Variants in SBK1 observed in about 807,000 individuals in gnomAD.
SBK1 encodes the protein serine/threonine-protein kinase SBK1.
In SBK1, 11 loss-of-function variants were observed where a neutral mutation model predicts 24.4. That is an observed-to-expected ratio of 0.45 (90% CI 0.28 to 0.75). SBK1 has a LOEUF of 0.75. Among genes scored for constraint, SBK1 ranks in the 30% least tolerant of loss-of-function variants. SBK1 has a pLI of 0.12. For synonymous variants in SBK1, 308 were observed against 284.4 expected, an observed-to-expected ratio of 1.08 and a Z score of -0.83; for missense variants, 467 against 620.5, an observed-to-expected ratio of 0.75 and a Z score of 2.63.
chr16:28,303,507 C>CTTTTTTTTTTTTTTTTTTT (rs143613970), intron 1 of SBK1, among the ~76,000 whole-genome samples: 27 of 58,108 alleles, frequency 4.6e-4, no homozygotes, highest in Non-Finnish European at 6.0e-4. Context: ...CTTTTCTTTT[C>CTTTTTTTTTTTTTTTTTTT]TTTTTTTTTT....
chr16:28,300,998 C>G (rs915813054), intron 1 of SBK1, among the ~76,000 whole-genome samples: 1 of 151,684 alleles, frequency 6.6e-6, no homozygotes. Context: ...GGGCCCATCT[C>G]TTCTGGGGCC....
At position 28,317,249 on chromosome 16, in the gene SBK1, C is replaced by T; in HGVS notation, c.-7-136C>T. 1 of 653,910 alleles carries T rather than the reference C, an allele frequency of 1.5e-6. No individual in the cohort carries two copies. The highest frequency in any genetic ancestry group is 2.6e-6 in the Non-Finnish European group (1 of 378,998). 40.5% of individuals were successfully genotyped at this position (653,910 alleles called of 1,614,324 possible). ...AAGGCGACGCGACCAAGATGCTTGT[C>T]GCCCCCTTGTGGTTATCTTGGGCCT... On this transcript the variant is annotated intron_variant, in intron 1 of 3. Transcript: ENST00000341901. The surrounding 1 kb of genome is among the most constrained non-coding windows in gnomAD (Gnocchi z 4.2).
At chr16:28,310,316 C>T (rs958795206) in intron 1 of SBK1, among the ~76,000 whole-genome samples, 7 of 152,222 alleles carry the variant, frequency 4.6e-5, no homozygotes, top group African/African-American at 1.7e-4. Context: ...TCACAGCCAT[C>T]ACATCCACAG....
At chr16:28,272,844 A>T (rs1211436438) in intron 1 of SBK1, among the ~76,000 whole-genome samples, 2 of 149,660 alleles carry the variant, frequency 1.3e-5, no homozygotes, top group Admixed American at 6.6e-5. Flanking sequence ...CTGGTCTCGA[A>T]CTCCTGACCT....
chr16:28,315,932 A>G (rs575346547), intron 1 of SBK1, among the ~76,000 whole-genome samples: 2 of 152,072 alleles, frequency 1.3e-5, no homozygotes, highest in South Asian at 4.2e-4. Context: ...TGCCCAACTA[A>G]TTTTTGTATT....
At chr16:28,287,856 G>T (rs1219465774), upstream of SBK1, among the ~76,000 whole-genome samples, 5 of 152,270 alleles carry the variant, frequency 3.3e-5, no homozygotes, top group South Asian at 8.3e-4. Flanking sequence ...TAGAGATGGG[G>T]TTTCGCCATG....
intron 1 of SBK1, among the ~76,000 whole-genome samples, chr16:28,314,808 ATC>A (rs1199631068): frequency 2.0e-5 from 3 of 152,156 alleles, no homozygotes; most frequent in Non-Finnish European, 4.4e-5. Context: ...GTGAAACCCC[ATC>A]TCTACTAAAC....
Position 28,293,305 on chromosome 16 carries a change from G to A in SBK1, c.-8+5G>A. 1.0e-6 allele frequency: 1 copy of A among 985,066 alleles called. No homozygotes were observed. Among genetic ancestry groups the A allele is most frequent in the Non-Finnish European group, 1.2e-6 (1 of 829,560 alleles). 61.0% of individuals were successfully genotyped at this position (985,066 alleles called of 1,614,324 possible). A position where few individuals can be genotyped will look rare whatever the true frequency, so the allele number is the denominator to read the frequency against. On this transcript the variant is annotated splice_donor_5th_base_variant and intron_variant, in intron 1 of 3. Transcript: ENST00000341901. ...GTCCCCGCGGCCCCAGCCCAGGTAA[G>A]CCGGGCCCAGGTGAGGGGCGGCAGG...
chr16:28,300,466 C>T (rs1015124810), intron 1 of SBK1, among the ~76,000 whole-genome samples: 1 of 151,712 alleles, frequency 6.6e-6, no homozygotes, highest in Admixed American at 6.6e-5. Context: ...ACCACAGGCG[C>T]ATGCCACCAT....
At chr16:28,266,786 G>A (rs1428441468) in intron 1 of SBK1, among the ~76,000 whole-genome samples, 2 of 148,966 alleles carry the variant, frequency 1.3e-5, no homozygotes, top group South Asian at 2.1e-4. Flanking sequence ...CTGTAGCCCA[G>A]GCAGAAGTGC....
chr16:28,313,971 C>G (rs905212797), intron 1 of SBK1, among the ~76,000 whole-genome samples: 11 of 140,084 alleles, frequency 7.9e-5, no homozygotes, highest in African/African-American at 2.8e-4. Context: ...GCCCGCCCAC[C>G]CTTGCTCAGC....
intron 1 of SBK1, among the ~76,000 whole-genome samples, chr16:28,268,634 G>A (rs1443692210): frequency 1.3e-5 from 2 of 151,984 alleles, no homozygotes; most frequent in African/African-American, 2.4e-5. Flanking sequence ...ATGGTGGCAC[G>A]TGCCTGTAGT....
intron 1 of SBK1, among the ~76,000 whole-genome samples, chr16:28,304,090 C>A (rs1346671484): frequency 6.6e-6 from 1 of 152,198 alleles, no homozygotes; most frequent in Non-Finnish European, 1.5e-5. Flanking sequence ...CTCACCTGCA[C>A]ATGGCAAAAT....
In SBK1 at chr16:28,259,553, C is replaced by T. The variant is rs1011796346; in HGVS notation, c.257+51C>T. 54 of 598,492 alleles carry T rather than the reference C, an allele frequency of 9.0e-5. No individual in the cohort carries two copies. The highest frequency in any genetic ancestry group is 1.4e-4 in the African/African-American group (7 of 49,708). 37.1% of individuals were successfully genotyped at this position (598,492 alleles called of 1,614,324 possible). A position where few individuals can be genotyped will look rare whatever the true frequency, so the allele number is the denominator to read the frequency against. Reference sequence around the variant, plus strand: ...GTGGGCAGCAGGTGGGCACAGCGCTCGACCCAGGGTGCCTGTGGGCCTGGC... The same window carrying T: ...GTGGGCAGCAGGTGGGCACAGCGCTTGACCCAGGGTGCCTGTGGGCCTGGC... On this transcript the variant is annotated intron_variant, in intron 1 of 3. Coordinates refer to the SBK1 transcript ENST00000671413. This position sits in a 1 kb window ranked among gnomAD's most constrained non-coding sequence, Gnocchi z 6.0.
At position 28,317,921 on chromosome 16, in the gene SBK1, G is replaced by A. The variant is rs1192617092; in HGVS notation, c.226+304G>A. ...GGCTGTGCCAGGAGTGTCTGGGGAG[G>A]GCAGGGCTGCCGGCTGTGTCTGAGT... On this transcript the variant is annotated intron_variant, in intron 2 of 3. Coordinates refer to ENST00000341901, the MANE Select transcript of SBK1 (RefSeq NM_001024401.3). The surrounding 1 kb of genome is among the most constrained non-coding windows in gnomAD (Gnocchi z 4.2). Among the ~76,000 whole-genome samples, 3 of 152,118 alleles carry A rather than the reference G, an allele frequency of 2.0e-5. No homozygotes were observed. The highest frequency in any genetic ancestry group is 6.5e-5 in the Admixed American group (1 of 15,272).
chr16:28,275,331 G>A (rs2044489338), intron 1 of SBK1, among the ~76,000 whole-genome samples: 1 of 152,020 alleles, frequency 6.6e-6, no homozygotes, highest in African/African-American at 2.4e-5. Flanking sequence ...TGAGAAATGG[G>A]GGTGAGGCTG....
chr16:28,316,301 G>T (rs547343231), intron 1 of SBK1, among the ~76,000 whole-genome samples: 1 of 152,218 alleles, frequency 6.6e-6, no homozygotes, highest in East Asian at 1.9e-4. Flanking sequence ...CTACCTTATG[G>T]ACAGCCATAC....
chr16:28,314,651 C>G (rs1317022845), intron 1 of SBK1, among the ~76,000 whole-genome samples: 1 of 152,080 alleles, frequency 6.6e-6, no homozygotes, highest in East Asian at 1.9e-4. Flanking sequence ...TGCTTAGGAG[C>G]AGGCTAGGGA....
rs1470162721 is a variant in SBK1, at chr16:28,322,572, C to T, written c.*1651C>T. 6.5e-6 allele frequency: 1 copy of T among 152,970 alleles called. No individual in the cohort carries two copies. Among genetic ancestry groups the T allele is most frequent in the Admixed American group, 6.5e-5 (1 of 15,286 alleles). 9.5% of individuals were successfully genotyped at this position (152,970 alleles called of 1,614,324 possible). A position where few individuals can be genotyped will look rare whatever the true frequency, so the allele number is the denominator to read the frequency against. On this transcript the variant is annotated 3_prime_UTR_variant, in exon 4 of 4. Transcript: ENST00000341901. ...CCCACCTTGAAAAAGGGCTATAGGTCCCCTGCCCTGCCCGGGTCCAGTTTA... is the reference window on the plus strand; with the variant it reads ...CCCACCTTGAAAAAGGGCTATAGGTTCCCTGCCCTGCCCGGGTCCAGTTTA...
Sources: gnomAD v4.1 joint callset for allele counts (sites outside exome capture counted in the v4.1 genomes callset) on GRCh38, gnomAD v4.1.1 for gene constraint, Gnocchi (gnomAD v3.1) non-coding constraint, MANE v1.5 for transcripts, NCBI Gene and HGNC (gene_info 2026-07-23, HGNC 2026-07-21) for gene names.